The following RAB38 variants were observed in gnomAD, a reference collection of about 807,000 sequenced individuals.
RAB38 encodes RAB38, member RAS oncogene family.
A neutral mutation model predicts 18.4 loss-of-function variants in RAB38; 15 were observed. The ratio of observed to expected loss-of-function variants is 0.82; its 90% confidence interval spans 0.55 to 1.26. The LOEUF (loss-of-function observed/expected upper bound fraction) is 1.26. RAB38 is among the 50% of genes most tolerant of loss of function. The pLI is 0.00. For missense variants in RAB38, 294 were observed against 267.4 expected, an observed-to-expected ratio of 1.10 and a Z score of -0.69; for synonymous variants, 101 against 104.4, an observed-to-expected ratio of 0.97 and a Z score of 0.20.
At chr11:87,966,495 A>G in the RAB38 span, among the ~76,000 whole-genome samples, 38 of 152,112 alleles carry the variant, frequency 2.5e-4, no homozygotes, top group African/African-American at 8.4e-4. Context: ...ATAAATATAT[A>G]TTTCTAAATT....
At chr11:88,154,641 A>T (rs933141352) in intron 1 of RAB38, among the ~76,000 whole-genome samples, 2 of 152,180 alleles carry the variant, frequency 1.3e-5, no homozygotes, top group Non-Finnish European at 2.9e-5. Flanking sequence ...TGGTACAGCA[A>T]GTCCCTCTCC....
At chr11:87,919,477 T>C in the RAB38 span, among the ~76,000 whole-genome samples, 4 of 151,962 alleles carry the variant, frequency 2.6e-5, no homozygotes, top group East Asian at 7.7e-4. Flanking sequence ...ATTATCCTTT[T>C]AATAAGCTGT....
intron 2 of RAB38, among the ~76,000 whole-genome samples, chr11:88,125,319 T>C (rs1942682093): frequency 1.3e-5 from 2 of 152,196 alleles, no homozygotes; most frequent in Middle Eastern, 3.2e-3. Context: ...CCATAAACCC[T>C]TCCCTCAATG....
chr11:88,174,042 C>T (rs1943345296), intron 1 of RAB38: 1 of 985,272 alleles, frequency 1.0e-6, no homozygotes, highest in Non-Finnish European at 1.2e-6. Context: ...CGAAAGGTTC[C>T]TGGTGTCACA....
chr11:87,943,214 G>C, the RAB38 span, among the ~76,000 whole-genome samples: 1 of 152,290 alleles, frequency 6.6e-6, no homozygotes, highest in African/African-American at 2.4e-5. Context: ...GGAAAGTCCA[G>C]ATACTGGCTC....
chr11:88,027,527 C>T, the RAB38 span, among the ~76,000 whole-genome samples: 52 of 152,330 alleles, frequency 3.4e-4, no homozygotes, highest in African/African-American at 1.0e-3. Flanking sequence ...CTGAATACTG[C>T]GCTTTTCTGA....
At chr11:88,067,906 A>C in the RAB38 span, among the ~76,000 whole-genome samples, 3 of 149,990 alleles carry the variant, frequency 2.0e-5, no homozygotes, top group East Asian at 5.8e-4. Flanking sequence ...CCCAGAACTT[A>C]AGGTAAAATT....
chr11:88,166,397 T>C (rs1943244322), intron 1 of RAB38: 1 of 151,998 alleles, frequency 6.6e-6, no homozygotes, highest in Non-Finnish European at 1.5e-5. Flanking sequence ...AAAAAATACG[T>C]TTTTAATTAT....
At chr11:88,057,955 T>G in the RAB38 span, among the ~76,000 whole-genome samples, 2 of 152,084 alleles carry the variant, frequency 1.3e-5, no homozygotes, top group Admixed American at 6.5e-5. Flanking sequence ...GCTTGGAAAA[T>G]CCCTGCATCA....
At chr11:87,806,431 T>A in the RAB38 span, among the ~76,000 whole-genome samples, 1 of 152,164 alleles carries the variant, frequency 6.6e-6, no homozygotes, top group East Asian at 1.9e-4. Context: ...ATTACTCTTA[T>A]TAATGAGGGC....
At chr11:87,866,042 C>G in the RAB38 span, among the ~76,000 whole-genome samples, 3 of 151,626 alleles carry the variant, frequency 2.0e-5, no homozygotes, top group Admixed American at 2.0e-4. Context: ...TTCGGAGTCT[C>G]AGAAAGTATG....
chr11:88,030,980 T>C, the RAB38 span, among the ~76,000 whole-genome samples: 4 of 151,124 alleles, frequency 2.6e-5, no homozygotes, highest in South Asian at 8.5e-4. Context: ...AAATCCTCAA[T>C]AAAATACTGG....
chr11:88,124,177 A>G (rs1942663691), intron 2 of RAB38, among the ~76,000 whole-genome samples: 2 of 152,092 alleles, frequency 1.3e-5, no homozygotes, highest in African/African-American at 4.8e-5. Flanking sequence ...TGGATTGTCA[A>G]TGATACTAGG....
the RAB38 span, among the ~76,000 whole-genome samples, chr11:87,907,838 T>A: frequency 6.6e-6 from 1 of 151,954 alleles, no homozygotes; most frequent in East Asian, 1.9e-4. Context: ...TTTGCTATAA[T>A]CCTGGGAGCC....
chr11:87,929,811 G>A, the RAB38 span, among the ~76,000 whole-genome samples: 66,883 of 148,794 alleles, frequency 0.45, 15,954 homozygotes, highest in African/African-American at 0.62. Flanking sequence ...GAGAACATGC[G>A]GTGTTTGATT....
At chr11:87,816,377 T>C in the RAB38 span, 1 of 152,442 alleles carries the variant, frequency 6.6e-6, no homozygotes, top group Non-Finnish European at 1.5e-5. Flanking sequence ...GTGGGGCTAA[T>C]AGTCTTTTTA....
chr11:88,020,305 C>A, the RAB38 span, among the ~76,000 whole-genome samples: 8 of 152,186 alleles, frequency 5.3e-5, no homozygotes, highest in East Asian at 7.7e-4. Flanking sequence ...AGTAGCTCTA[C>A]ATATATCAGA....
the RAB38 span, among the ~76,000 whole-genome samples, chr11:87,856,588 TTTC>T: frequency 6.6e-6 from 1 of 152,180 alleles, no homozygotes; most frequent in South Asian, 2.1e-4. Context: ...TTAAAAAAAA[TTTC>T]TTATCATTTC....
intron 1 of RAB38, among the ~76,000 whole-genome samples, chr11:88,151,557 T>C (rs923039427): frequency 2.0e-5 from 3 of 152,208 alleles, no homozygotes; most frequent in African/African-American, 4.8e-5. Flanking sequence ...TATAAAGTTA[T>C]ATAAATTAAA....
Sources: gnomAD v4.1 joint callset for allele counts (sites outside exome capture counted in the v4.1 genomes callset) on GRCh38, gnomAD v4.1.1 for gene constraint, MANE v1.5 for transcripts, NCBI Gene and HGNC (gene_info 2026-07-23, HGNC 2026-07-21) for gene names.